The following EYS variants were observed in gnomAD, a reference collection of about 807,000 sequenced individuals.
EYS encodes EGF-like photoreceptor maintenance factor.
A neutral mutation model predicts 282.1 loss-of-function variants in EYS; 250 were observed. That is an observed-to-expected ratio of 0.89 (90% confidence interval 0.80 to 0.98). EYS has a LOEUF of 0.98. EYS is among the 50% of genes least tolerant of loss of function. The pLI is 0.00. For missense variants in EYS, 4,016 were observed against 3,709.0 expected (o/e 1.08, Z -2.15); for synonymous variants, 1,355 against 1,282.9 (o/e 1.06, Z -1.20).
At chr6:65,041,305 G>A (rs1005562064) in intron 13 of EYS, among the ~76,000 whole-genome samples, 2 of 151,668 alleles carry the variant, frequency 1.3e-5, no homozygotes, top group Non-Finnish European at 3.0e-5. Context: ...CCAGCTTCCT[G>A]CCAGACACAC....
At chr6:65,066,852 T>G (rs1369533490) in intron 12 of EYS, among the ~76,000 whole-genome samples, 1 of 152,136 alleles carries the variant, frequency 6.6e-6, no homozygotes, top group Admixed American at 6.6e-5. Flanking sequence ...CATGCAATAA[T>G]TGGGAAATGG....
At position 64,887,307 on chromosome 6, in the gene EYS, C is replaced by T. The variant is rs1351346525; in HGVS notation, c.2847-465G>A. 2.7e-5 allele frequency among the ~76,000 whole-genome samples: 4 copies of T among 150,916 alleles called. No individual in the cohort carries two copies. The South Asian group carries it at 8.4e-4, about 32-fold the overall frequency. On this transcript the variant is annotated intron_variant, in intron 18 of 42. Transcript: ENST00000503581. ...GGGTGGGGGGAGGGGGGAGGGATAG[C>T]ATTGGGAGAGATACCTAATATTAAA...
intron 14 of EYS, among the ~76,000 whole-genome samples, chr6:64,981,178 T>A (rs907533072): frequency 6.6e-6 from 1 of 151,292 alleles, no homozygotes; most frequent in Non-Finnish European, 1.5e-5. Flanking sequence ...GATTCAAAGA[T>A]AAATAATAAA....
intron 26 of EYS, among the ~76,000 whole-genome samples, chr6:64,548,032 C>T (rs1340006516): frequency 6.6e-6 from 1 of 152,194 alleles, no homozygotes; most frequent in Non-Finnish European, 1.5e-5. Context: ...CTGGTTCCCG[C>T]CTGCGCCTGT....
At chr6:64,652,895 T>C (rs1194810454) in intron 22 of EYS, among the ~76,000 whole-genome samples, 1 of 152,200 alleles carries the variant, frequency 6.6e-6, no homozygotes, top group Admixed American at 6.5e-5. Flanking sequence ...TATGTGTGTG[T>C]GTGTTTGTGC....
chr6:64,649,984 AATC>A (rs1768499877), intron 22 of EYS, among the ~76,000 whole-genome samples: 1 of 152,100 alleles, frequency 6.6e-6, no homozygotes, highest in Admixed American at 6.6e-5. Flanking sequence ...CCAAACCAGA[AATC>A]ATCATTTAGA....
chr6:64,301,381 A>G (rs1417215772), intron 30 of EYS, among the ~76,000 whole-genome samples: 1 of 152,188 alleles, frequency 6.6e-6, no homozygotes, highest in Non-Finnish European at 1.5e-5. Context: ...CATTTCTCAC[A>G]GGCAACAAGA....
intron 2 of EYS, among the ~76,000 whole-genome samples, chr6:65,607,565 AAAAT>A (rs1279237104): frequency 6.6e-5 from 10 of 151,898 alleles, no homozygotes; most frequent in Non-Finnish European, 1.5e-4. Context: ...TACTTTTTGA[AAAAT>A]AAATACTTTT....
rs574458638 is a variant in EYS, at chr6:64,455,545, C to T, written c.5645-16193G>A. On this transcript the variant is annotated intron_variant, in intron 26 of 42. Coordinates refer to ENST00000503581, the MANE Select transcript of EYS (RefSeq NM_001142800.2). Reference sequence around the variant, plus strand: ...TGGTTTGCTGCACCTATCAACCCATCATCTAGGTTTTAAGCCCTGCATGCA... The same window carrying T: ...TGGTTTGCTGCACCTATCAACCCATTATCTAGGTTTTAAGCCCTGCATGCA... Among the ~76,000 whole-genome samples the T allele has an allele frequency of 2.6e-5, 4 of 152,156 alleles. No homozygotes were observed. The South Asian group carries it at 6.2e-4, about 24-fold the overall frequency.
chr6:64,314,400 T>C (rs1769853764), intron 29 of EYS, among the ~76,000 whole-genome samples: 2 of 152,028 alleles, frequency 1.3e-5, no homozygotes, highest in Admixed American at 1.3e-4. Flanking sequence ...CTTAGAGACC[T>C]ACAAAGAGAC....
chr6:64,841,107 A>C (rs909403383), intron 19 of EYS, among the ~76,000 whole-genome samples: 1 of 152,126 alleles, frequency 6.6e-6, no homozygotes, highest in Non-Finnish European at 1.5e-5. Context: ...TGTTTTATGT[A>C]CCTGTGTCTA....
intron 26 of EYS, among the ~76,000 whole-genome samples, chr6:64,486,781 A>T (rs1006810640): frequency 2.6e-5 from 4 of 151,320 alleles, no homozygotes; most frequent in Middle Eastern, 3.2e-3. Flanking sequence ...GCCTTCACAT[A>T]AATCATCCAG....
chr6:64,883,909 A>G (rs1260268686), intron 19 of EYS, among the ~76,000 whole-genome samples: 1 of 151,582 alleles, frequency 6.6e-6, no homozygotes. Flanking sequence ...ATGGCTTTAA[A>G]TAGTCAACTT....
chr6:64,717,916 T>C (rs1771451561), intron 22 of EYS, among the ~76,000 whole-genome samples: 1 of 152,142 alleles, frequency 6.6e-6, no homozygotes, highest in South Asian at 2.1e-4. Context: ...TAGAAATTCC[T>C]CAAAATTCTC....
chr6:64,675,678 T>G (rs1332533643), intron 22 of EYS, among the ~76,000 whole-genome samples: 2 of 151,898 alleles, frequency 1.3e-5, no homozygotes, highest in African/African-American at 4.8e-5. Context: ...TCCGCCCACC[T>G]TGGCCTCCCA....
chr6:63,812,850 TA>T (rs565541706), intron 36 of EYS, among the ~76,000 whole-genome samples: 1 of 152,290 alleles, frequency 6.6e-6, no homozygotes, highest in Admixed American at 6.5e-5. Context: ...TCCTTTCCTC[TA>T]AAAAATGTTA....
intron 35 of EYS, among the ~76,000 whole-genome samples, chr6:63,957,592 C>T (rs1034959890): frequency 3.5e-5 from 5 of 141,034 alleles, no homozygotes; most frequent in African/African-American, 1.2e-4. Context: ...AAAGCTATTT[C>T]TCGTATTCAG....
chr6:64,554,393 A>G (rs944003971), intron 26 of EYS, among the ~76,000 whole-genome samples: 11 of 152,190 alleles, frequency 7.2e-5, no homozygotes, highest in African/African-American at 2.4e-4. Flanking sequence ...AAATGAGTCA[A>G]TTAGGTATAG....
intron 2 of EYS, among the ~76,000 whole-genome samples, chr6:65,594,363 T>C (rs962728887): frequency 6.6e-6 from 1 of 152,008 alleles, no homozygotes; most frequent in African/African-American, 2.4e-5. Flanking sequence ...TTCTTTTTCA[T>C]TTTGTATCCT....
Sources: allele counts gnomAD v4.1 joint callset (sites outside exome capture counted in the v4.1 genomes callset), GRCh38; gene constraint gnomAD v4.1.1; transcripts MANE v1.5; gene names NCBI Gene and HGNC (gene_info 2026-07-23, HGNC 2026-07-21).